Variants in KCNMA1 observed in about 807,000 individuals in gnomAD.
KCNMA1 encodes the protein potassium calcium-activated channel subfamily M alpha 1.
KCNMA1 carries 29 observed loss-of-function variants against 140.0 expected under a neutral mutation model. The ratio of observed to expected loss-of-function variants is 0.21; its 90% CI spans 0.15 to 0.28. The LOEUF is 0.28. KCNMA1 is among the 10% of genes least tolerant of loss of function. KCNMA1 has a pLI of 1.00. For synonymous variants in KCNMA1, 612 were observed against 611.9 expected (o/e 1.00, Z 0.00); for missense variants, 880 against 1,602.2 (o/e 0.55, Z 7.70).
rs958263063 is a variant in KCNMA1 at position 77,386,193 on chromosome 10, C to T, written c.540+17669G>A. 3.9e-5 allele frequency among the ~76,000 whole-genome samples: 6 copies of T among 152,320 alleles called. No homozygotes were observed. The East Asian group carries it at 1.2e-3, about 29-fold the overall frequency. On this transcript the variant is annotated intron_variant, in intron 2 of 27. Coordinates refer to ENST00000286628, the MANE Select transcript of KCNMA1 (RefSeq NM_001161352.2). ...GAGCAGCTGGAAACACTGGCTGAGC[C>T]TTTCCTAGTTGCATGCAGCCATTTA...
chr10:77,161,648 T>C (rs1399065844), intron 5 of KCNMA1, among the ~76,000 whole-genome samples: 1 of 152,226 alleles, frequency 6.6e-6, no homozygotes, highest in Non-Finnish European at 1.5e-5. Context: ...TTAAGCTGAA[T>C]TCAGTTATGA....
chr10:76,884,445 CTTG>C (rs1189322874), downstream of KCNMA1: 2 of 149,982 alleles, frequency 1.3e-5, no homozygotes, highest in African/African-American at 4.9e-5. Context: ...GGCATCATCA[CTTG>C]ATTGAGTAGG....
chr10:77,382,814 G>A (rs1310120853), intron 2 of KCNMA1, among the ~76,000 whole-genome samples: 3 of 125,014 alleles, frequency 2.4e-5, no homozygotes, highest in South Asian at 2.6e-4. Context: ...GCAGTAAGCC[G>A]AGATCACACC....
intron 1 of KCNMA1, among the ~76,000 whole-genome samples, chr10:77,443,101 A>C (rs1173613396): frequency 6.6e-6 from 1 of 152,232 alleles, no homozygotes; most frequent in Non-Finnish European, 1.5e-5. Flanking sequence ...ATAGACAGGG[A>C]AATCAAGTGA....
At chr10:77,527,706 A>C (rs779750065) in intron 1 of KCNMA1, among the ~76,000 whole-genome samples, 20 of 152,226 alleles carry the variant, frequency 1.3e-4, no homozygotes, top group Non-Finnish European at 2.1e-4. Flanking sequence ...AGAAAGAGAG[A>C]GAGCGAGAGA....
At chr10:76,988,493 A>C (rs904075592) in intron 19 of KCNMA1, among the ~76,000 whole-genome samples, 3 of 152,126 alleles carry the variant, frequency 2.0e-5, no homozygotes, top group African/African-American at 7.2e-5. Flanking sequence ...ACACCACTGC[A>C]CTCCAGCCTG....
At chr10:76,975,623 G>A (rs1460280714) in intron 19 of KCNMA1, among the ~76,000 whole-genome samples, 1 of 152,182 alleles carries the variant, frequency 6.6e-6, no homozygotes, top group Non-Finnish European at 1.5e-5. Context: ...CCAGGCAATG[G>A]AGCCAAGTTC....
intron 14 of KCNMA1, chr10:77,063,722 G>A (rs954625567): frequency 1.6e-5 from 16 of 984,926 alleles, no homozygotes; most frequent in South Asian, 1.4e-4. Context: ...AGGACTTTGC[G>A]ATTTTCATGT....
At chr10:77,410,053 G>A (rs2096584532) in intron 1 of KCNMA1, among the ~76,000 whole-genome samples, 2 of 152,112 alleles carry the variant, frequency 1.3e-5, no homozygotes, top group Non-Finnish European at 2.9e-5. Context: ...CAGGAAGCAG[G>A]GCTGCTCTGG....
At chr10:77,275,052 TG>T (rs1171297638) in intron 2 of KCNMA1, among the ~76,000 whole-genome samples, 2 of 152,208 alleles carry the variant, frequency 1.3e-5, no homozygotes, top group African/African-American at 4.8e-5. Context: ...TGCAAAACCT[TG>T]GCAATCATTA....
chr10:77,198,725 T>C (rs1248011479), intron 3 of KCNMA1, among the ~76,000 whole-genome samples: 1 of 152,092 alleles, frequency 6.6e-6, no homozygotes, highest in Non-Finnish European at 1.5e-5. Context: ...CTGCTTAATA[T>C]AAGGCTTGTT....
At chr10:76,881,762 T>C (rs2034759876), downstream of KCNMA1, among the ~76,000 whole-genome samples, 1 of 152,046 alleles carries the variant, frequency 6.6e-6, no homozygotes, top group South Asian at 2.1e-4. Context: ...GGGGTGTGTA[T>C]ATCGGGGTGT....
intron 1 of KCNMA1, among the ~76,000 whole-genome samples, chr10:77,499,290 A>G (rs1297013855): frequency 2.6e-5 from 4 of 152,172 alleles, no homozygotes; most frequent in Non-Finnish European, 2.9e-5. Context: ...TGACAGATAT[A>G]GAGGACAGGC....
intron 1 of KCNMA1, among the ~76,000 whole-genome samples, chr10:77,564,773 A>G (rs551460308): frequency 1.3e-5 from 2 of 152,286 alleles, no homozygotes; most frequent in African/African-American, 4.8e-5. Flanking sequence ...GGAAAAGAGG[A>G]GAGACTCCCA....
intron 5 of KCNMA1, among the ~76,000 whole-genome samples, chr10:77,143,022 A>G (rs2098214677): frequency 6.6e-6 from 1 of 152,212 alleles, no homozygotes; most frequent in Admixed American, 6.5e-5. Flanking sequence ...CCAATATTAC[A>G]CAAACTCTTT....
intron 20 of KCNMA1, among the ~76,000 whole-genome samples, chr10:76,960,385 T>C (rs2070612244): frequency 6.6e-6 from 1 of 151,808 alleles, no homozygotes; most frequent in Non-Finnish European, 1.5e-5. Context: ...ACAAAAAATA[T>C]AAAAATTAGC....
chr10:77,073,362 G>C, intron 13 of KCNMA1, 110 bp from the exon 14 acceptor site: 1 of 1,116,786 alleles, frequency 9.0e-7, no homozygotes, highest in South Asian at 1.3e-5. Flanking sequence ...ATCCAGTCTT[G>C]CCCTTCTTTT....
At chr10:77,231,449 A>G (rs1470200276) in intron 3 of KCNMA1, among the ~76,000 whole-genome samples, 1 of 152,174 alleles carries the variant, frequency 6.6e-6, no homozygotes, top group East Asian at 1.9e-4. Context: ...GGTACAATGA[A>G]ATTGATAGTG....
intron 1 of KCNMA1, among the ~76,000 whole-genome samples, chr10:77,543,768 A>G (rs1013924332): frequency 1.4e-4 from 21 of 152,204 alleles, no homozygotes; most frequent in Admixed American, 4.6e-4. Context: ...GACTTGTTAG[A>G]TATTATCAGC....
Sources: allele counts gnomAD v4.1 joint callset (sites outside exome capture counted in the v4.1 genomes callset), GRCh38; gene constraint gnomAD v4.1.1; transcripts MANE v1.5; gene names NCBI Gene and HGNC (gene_info 2026-07-23, HGNC 2026-07-21).